Variants in PSPC1 observed in about 807,000 individuals in gnomAD.
PSPC1 encodes the protein paraspeckle component 1.
A neutral mutation model predicts 51.6 loss-of-function variants in PSPC1; 14 were observed. The observed-to-expected ratio is 0.27, with a 90% CI of 0.18 to 0.42. The LOEUF (loss-of-function observed/expected upper bound fraction) is 0.42. Among genes scored for constraint, PSPC1 ranks in the 10% least tolerant of loss-of-function variants. PSPC1 has a pLI of 1.00. For missense variants in PSPC1, 406 were observed against 701.1 expected (o/e 0.58, Z 4.75); for synonymous variants, 193 against 231.9 (o/e 0.83, Z 1.53).
At chr13:19,677,095 T>C (rs1262384490) in intron 7 of PSPC1, among the ~76,000 whole-genome samples, 5 of 151,982 alleles carry the variant, frequency 3.3e-5, no homozygotes, top group Non-Finnish European at 7.4e-5. Context: ...TAGCCGGGCA[T>C]GGTGGCAGGC....
At chr13:19,748,788 A>G (rs930645758) in intron 4 of PSPC1, among the ~76,000 whole-genome samples, 4 of 149,026 alleles carry the variant, frequency 2.7e-5, no homozygotes, top group Non-Finnish European at 4.4e-5. Context: ...CTAGCAGGCT[A>G]AGAGAAAACA....
In PSPC1 at chr13:19,731,408, TTTGTTGTTG is replaced by T. The variant is rs10608480; in HGVS notation, c.1053-1073_1053-1065del. The stretch of plus-strand genomic sequence containing the variant: ...AACCTGAAATGCTCCAAAATCTGGA[TTTGTTGTTG>T]TTGTTGTTGTTGTTGAGACAGGGTC... On this transcript the variant is annotated intron_variant, in intron 5 of 8. Transcript: ENST00000338910. Among the ~76,000 whole-genome samples the T allele has an allele frequency of 8.6e-5, 13 of 151,154 alleles. 1 individual carries two copies. Among genetic ancestry groups the T allele is most frequent in the African/African-American group, 2.9e-4 (12 of 41,238 alleles).
At chr13:19,685,108 C>A (rs894421269) in intron 6 of PSPC1, among the ~76,000 whole-genome samples, 2 of 152,224 alleles carry the variant, frequency 1.3e-5, no homozygotes, top group African/African-American at 4.8e-5. Context: ...AAAGCCGTAA[C>A]ATGTAGTTGT....
intron 4 of PSPC1, among the ~76,000 whole-genome samples, chr13:19,742,190 G>T (rs1885498772): frequency 1.3e-5 from 2 of 151,286 alleles, no homozygotes; most frequent in African/African-American, 4.9e-5. Context: ...GCTGGGCGCG[G>T]TGGCTCACGC....
At chr13:19,736,486 A>G (rs890608941) in intron 5 of PSPC1, among the ~76,000 whole-genome samples, 8 of 152,104 alleles carry the variant, frequency 5.3e-5, no homozygotes, top group South Asian at 2.1e-4. Flanking sequence ...GATCGAGACC[A>G]TCCTGGCTAA....
In PSPC1 at chr13:19,782,875, C is replaced by T; in HGVS notation, c.-118G>A. On this transcript the variant is annotated 5_prime_UTR_variant, in exon 1 of 9. Coordinates refer to ENST00000338910, the MANE Select transcript of PSPC1 (RefSeq NM_001354909.2). This position sits in a 1 kb window ranked among gnomAD's most constrained non-coding sequence, Gnocchi z 4.5. ...AACAAAATATCGACAATCAAGAGAC[C>T]GCTAGGTAGGCGAGTCGGCAACCCG... 3 of 1,224,864 alleles carry T rather than the reference C, an allele frequency of 2.4e-6. No individual in the cohort carries two copies. The highest frequency in any genetic ancestry group is 3.2e-6 in the Non-Finnish European group (3 of 945,608). The allele number at this position is 1,224,864 out of a possible 1,614,324, so 75.9% of individuals were successfully genotyped here. A position where few individuals can be genotyped will look rare whatever the true frequency, so the allele number is the denominator to read the frequency against.
rs183200220 is a variant in PSPC1 at position 19,752,731 on chromosome 13, G to A, written c.771-1264C>T. ...TTCCCGAGTAGCTCGGATTACAGGC[G>A]TCCGCCACCATGCTTGGCTTATTTT... On this transcript the variant is annotated intron_variant, in intron 3 of 8. Transcript: ENST00000338910. Among the ~76,000 whole-genome samples, 546 of 152,008 alleles carry A rather than the reference G, an allele frequency of 3.6e-3. 3 individuals carry two copies. Among genetic ancestry groups the A allele is most frequent in the Non-Finnish European group, 6.3e-3 (430 of 67,984 alleles).
intron 7 of PSPC1, among the ~76,000 whole-genome samples, chr13:19,707,106 CTAAG>C (rs1196032863): frequency 6.6e-6 from 1 of 152,080 alleles, no homozygotes; most frequent in Non-Finnish European, 1.5e-5. Flanking sequence ...AGAAAACAAA[CTAAG>C]TTTCTTTTTC....
intron 7 of PSPC1, chr13:19,675,248 T>C (rs1876512790): frequency 6.6e-6 from 1 of 152,290 alleles, no homozygotes; most frequent in South Asian, 2.1e-4. Flanking sequence ...TTGTGGGCTA[T>C]GAGGGATGGT....
chr13:19,692,040 G>A (rs1038857810), intron 6 of PSPC1, among the ~76,000 whole-genome samples: 9 of 152,204 alleles, frequency 5.9e-5, no homozygotes, highest in Admixed American at 2.0e-4. Context: ...ATAAAGTCCT[G>A]TGGTCTACCA....
chr13:19,713,682 G>A (rs962621010), intron 6 of PSPC1, among the ~76,000 whole-genome samples: 1 of 151,694 alleles, frequency 6.6e-6, no homozygotes, highest in Non-Finnish European at 1.5e-5. Context: ...TGAAAGCTTC[G>A]AATTCAAGTG....
chr13:19,741,553 ATCT>A lies in PSPC1; in HGVS notation c.1052+9_1052+11del. On this transcript the variant is annotated intron_variant, in intron 5 of 8. Coordinates refer to ENST00000338910, the MANE Select transcript of PSPC1 (RefSeq NM_001354909.2). ...CATACAATTCATGTTTCTTAAAATG[ATCT>A]TCTTTTACCTTAGTTGTATTTGCTT... 6.5e-7 allele frequency: 1 copy of A among 1,528,660 alleles called. No homozygotes were observed. Among genetic ancestry groups the A allele is most frequent in the South Asian group, 1.2e-5 (1 of 84,212 alleles). The allele number at this position is 1,528,660 out of a possible 1,614,324, so 94.7% of individuals were successfully genotyped here.
intron 5 of PSPC1, among the ~76,000 whole-genome samples, chr13:19,741,349 G>A (rs191933639): frequency 5.1e-4 from 77 of 152,232 alleles, no homozygotes; most frequent in Admixed American, 1.4e-3. Flanking sequence ...TAAAACCCTT[G>A]TTTAACTTCA....
chr13:19,711,345 C>G (rs1404948479), intron 6 of PSPC1, among the ~76,000 whole-genome samples: 1 of 151,752 alleles, frequency 6.6e-6, no homozygotes, highest in Non-Finnish European at 1.5e-5. Flanking sequence ...CATGGTGAAA[C>G]CTGTCTCTAG....
chr13:19,742,452 A>C (rs145929480), intron 4 of PSPC1, among the ~76,000 whole-genome samples: 161 of 151,978 alleles, frequency 1.1e-3, no homozygotes, highest in African/African-American at 3.8e-3. Flanking sequence ...AAATACAAAA[A>C]TCAGGGCCAG....
Position 19,756,183 on chromosome 13 carries a change from A to G in PSPC1, c.770+3140T>C, listed in dbSNP as rs369218688. On this transcript the variant is annotated intron_variant, in intron 3 of 8. Coordinates refer to ENST00000338910, the MANE Select transcript of PSPC1 (RefSeq NM_001354909.2). ...AACTCGGGAGGTGGAGGTTGCAGTG[A>G]GCTGAGACTGCACCACTGCACTCCA... Among the ~76,000 whole-genome samples the G allele has an allele frequency of 3.0e-4, 45 of 152,238 alleles. 1 individual carries two copies. The South Asian group carries it at 7.3e-3, about 25-fold the overall frequency.
chr13:19,673,629 T>TAAAG (rs1323933525), downstream of PSPC1, among the ~76,000 whole-genome samples: 1 of 152,106 alleles, frequency 6.6e-6, no homozygotes, highest in Non-Finnish European at 1.5e-5. Context: ...TCAGGAGCAG[T>TAAAG]AAAGAAGACA....
chr13:19,739,991 C>T (rs766697806), intron 5 of PSPC1, among the ~76,000 whole-genome samples: 17 of 152,028 alleles, frequency 1.1e-4, no homozygotes, highest in Non-Finnish European at 2.1e-4. Flanking sequence ...CTTGAGACTA[C>T]ATTCCTAACA....
intron 2 of PSPC1, among the ~76,000 whole-genome samples, chr13:19,768,075 A>C (rs1410163278): frequency 6.6e-6 from 1 of 151,806 alleles, no homozygotes; most frequent in Non-Finnish European, 1.5e-5. Context: ...AATTCAAAAA[A>C]TTAGCCAGGC....
Sources: gnomAD v4.1 joint callset for allele counts (sites outside exome capture counted in the v4.1 genomes callset) on GRCh38, gnomAD v4.1.1 for gene constraint, Gnocchi (gnomAD v3.1) non-coding constraint, MANE v1.5 for transcripts, NCBI Gene and HGNC (gene_info 2026-07-23, HGNC 2026-07-21) for gene names.